SNX29: variants seen among roughly 807,000 people sequenced by gnomAD.
SNX29 encodes sorting nexin 29.
In SNX29, 78 loss-of-function variants were observed where a neutral mutation model predicts 102.1. The observed-to-expected ratio is 0.76, with a 90% CI of 0.64 to 0.92. The LOEUF (loss-of-function observed/expected upper bound fraction) is 0.92. Ranked by LOEUF, SNX29 falls within the 40% of genes least tolerant of loss-of-function variation. The probability of loss-of-function intolerance (pLI) is 0.00; values close to 1 mark genes in which losing one functional copy is unlikely to be tolerated. For synonymous variants in SNX29, 580 were observed against 414.5 expected, an observed-to-expected ratio of 1.40 and a Z score of -4.85; for missense variants, 1,280 against 1,061.7, an observed-to-expected ratio of 1.21 and a Z score of -2.86.
intron 14 of SNX29, among the ~76,000 whole-genome samples, chr16:12,215,564 G>A (rs1469547786): frequency 6.6e-6 from 1 of 152,174 alleles, no homozygotes; most frequent in Admixed American, 6.5e-5. Flanking sequence ...CCAGAGGGGG[G>A]TGCCTGGTCT....
intron 15 of SNX29, among the ~76,000 whole-genome samples, chr16:12,319,499 C>T (rs1280812907): frequency 6.6e-6 from 1 of 152,172 alleles, no homozygotes; most frequent in Non-Finnish European, 1.5e-5. Flanking sequence ...AAAATTAGGA[C>T]TCCTATCCCA....
At chr16:12,115,339 G>A (rs888802066) in intron 11 of SNX29, among the ~76,000 whole-genome samples, 2 of 152,152 alleles carry the variant, frequency 1.3e-5, no homozygotes, top group Non-Finnish European at 2.9e-5. Context: ...ATAGACTCAT[G>A]CAGCTTTGAG....
At chr16:12,483,380 T>C (rs2088066839) in intron 19 of SNX29, among the ~76,000 whole-genome samples, 1 of 150,368 alleles carries the variant, frequency 6.7e-6, no homozygotes, top group African/African-American at 2.5e-5. Flanking sequence ...TGCAGTGGTG[T>C]GATCTCAGCT....
intron 18 of SNX29, among the ~76,000 whole-genome samples, chr16:12,463,173 G>A (rs1386782491): frequency 6.6e-6 from 1 of 152,344 alleles, no homozygotes; most frequent in Non-Finnish European, 1.5e-5. Flanking sequence ...GACTTGGGGT[G>A]GAGGCGGAGG....
intron 20 of SNX29, among the ~76,000 whole-genome samples, chr16:12,535,053 C>A (rs1174156716): frequency 6.6e-6 from 1 of 152,168 alleles, no homozygotes; most frequent in Non-Finnish European, 1.5e-5. Flanking sequence ...AGCTACAAAG[C>A]ACTGGGACTC....
chr16:12,057,183 T>TTCAGAAAGGACTACAAACATATGCTGTG (rs2050555768), intron 8 of SNX29, among the ~76,000 whole-genome samples: 1 of 152,176 alleles, frequency 6.6e-6, no homozygotes, highest in African/African-American at 2.4e-5. Context: ...GGAAACATAA[T>TTCAGAAAGGACTACAAACATATGCTGTG]TCAGAAAGGA....
intron 13 of SNX29, among the ~76,000 whole-genome samples, chr16:12,184,741 C>G (rs1019582808): frequency 6.6e-6 from 1 of 152,192 alleles, no homozygotes; most frequent in Admixed American, 6.5e-5. Flanking sequence ...TTCTGTAGTT[C>G]TCATGTAATT....
intron 11 of SNX29, among the ~76,000 whole-genome samples, chr16:12,125,294 G>A (rs1459356641): frequency 6.6e-6 from 1 of 152,154 alleles, no homozygotes; most frequent in African/African-American, 2.4e-5. Flanking sequence ...TGAACATGAT[G>A]TCATAGCTGT....
At chr16:12,433,921 A>T (rs1483030330) in intron 18 of SNX29, among the ~76,000 whole-genome samples, 2 of 152,192 alleles carry the variant, frequency 1.3e-5, no homozygotes, top group Non-Finnish European at 2.9e-5. Context: ...CCTGATGCTT[A>T]TGCCAGTGCT....
intron 19 of SNX29, among the ~76,000 whole-genome samples, chr16:12,502,110 A>C (rs3865113): frequency 6.6e-6 from 1 of 152,128 alleles, no homozygotes; most frequent in Non-Finnish European, 1.5e-5. Context: ...CGAGCTGGGC[A>C]GGCAACATGC....
chr16:12,501,663 A>C (rs2089129301), intron 19 of SNX29, among the ~76,000 whole-genome samples: 1 of 136,836 alleles, frequency 7.3e-6, no homozygotes, highest in Non-Finnish European at 1.5e-5. Flanking sequence ...CAGAGGTTCC[A>C]GTGGGCTAAG....
At chr16:12,254,534 G>C (rs1438533967) in intron 14 of SNX29, among the ~76,000 whole-genome samples, 2 of 152,022 alleles carry the variant, frequency 1.3e-5, no homozygotes, top group Non-Finnish European at 2.9e-5. Context: ...CCAGCTACTC[G>C]GGAGGCTAAG....
At chr16:12,260,033 C>T (rs1270413663) in intron 14 of SNX29, among the ~76,000 whole-genome samples, 1 of 152,230 alleles carries the variant, frequency 6.6e-6, no homozygotes, top group African/African-American at 2.4e-5. Flanking sequence ...CTGCAGGAGA[C>T]AGCTGCCACA....
At chr16:12,312,267 C>T (rs1357151517) in intron 15 of SNX29, among the ~76,000 whole-genome samples, 1 of 152,196 alleles carries the variant, frequency 6.6e-6, no homozygotes, top group Non-Finnish European at 1.5e-5. Flanking sequence ...TTCCATCTAG[C>T]ACAGCACTTG....
intron 18 of SNX29, among the ~76,000 whole-genome samples, chr16:12,423,036 AAC>A (rs774713122): frequency 6.6e-6 from 1 of 152,262 alleles, no homozygotes; most frequent in East Asian, 1.9e-4. Context: ...GGAAGAAACA[AAC>A]ACACACACAA....
chr16:12,020,299 A>G (rs376363173), intron 3 of SNX29, among the ~76,000 whole-genome samples: 1 of 151,688 alleles, frequency 6.6e-6, no homozygotes, highest in East Asian at 1.9e-4. Context: ...TAATTTTTTT[A>G]TTTTTTGTAG....
chr16:12,564,226 A>AG (rs1567213071), intron 20 of SNX29, among the ~76,000 whole-genome samples: 7 of 152,030 alleles, frequency 4.6e-5, no homozygotes, highest in African/African-American at 1.7e-4. Context: ...CCACATCTCT[A>AG]AGAGAAAAAA....
intron 19 of SNX29, among the ~76,000 whole-genome samples, chr16:12,484,139 T>G (rs1403547993): frequency 6.6e-6 from 1 of 152,142 alleles, no homozygotes; most frequent in Non-Finnish European, 1.5e-5. Context: ...TAAGTCATTC[T>G]CTCTTTCTCC....
chr16:12,057,896 C>T (rs1036188772), intron 8 of SNX29, among the ~76,000 whole-genome samples: 1 of 151,584 alleles, frequency 6.6e-6, no homozygotes, highest in Non-Finnish European at 1.5e-5. Context: ...TGGCTCACTG[C>T]AATCCCTGCC....
Sources: allele counts gnomAD v4.1 joint callset (sites outside exome capture counted in the v4.1 genomes callset), GRCh38; gene constraint gnomAD v4.1.1; transcripts MANE v1.5; gene names NCBI Gene and HGNC (gene_info 2026-07-23, HGNC 2026-07-21).